BOLA3: variants seen among roughly 807,000 people sequenced by gnomAD.
The protein encoded by BOLA3 is bolA-like protein 3.
In BOLA3, 8 loss-of-function variants were observed where a neutral mutation model predicts 14.5. That is an observed-to-expected ratio of 0.55 (90% CI 0.32 to 0.99). The LOEUF (loss-of-function observed/expected upper bound fraction) is 0.99. Ranked by LOEUF, BOLA3 falls within the 50% of genes least tolerant of loss-of-function variation. BOLA3 has a pLI of 0.04. For missense variants in BOLA3, 115 were observed against 138.2 expected (o/e 0.83, Z 0.84); for synonymous variants, 42 against 45.7 (o/e 0.92, Z 0.33).
At chr2:74,145,743 G>A (rs1003750912) in intron 1 of BOLA3, 1 of 231,562 alleles carries the variant, frequency 4.3e-6, no homozygotes, top group East Asian at 1.1e-4. Flanking sequence ...CACTGCCCTG[G>A]ATGGTGGGGC....
At chr2:74,145,376 C>A in intron 1 of BOLA3, 73 bp from the exon 2 acceptor site, 1 of 919,664 alleles carries the variant, frequency 1.1e-6, no homozygotes, top group Non-Finnish European at 1.8e-6. Context: ...ACTGTGCAGG[C>A]CCGCCTGCCA....
chr2:74,142,094 A>G (rs535851273), intron 3 of BOLA3, among the ~76,000 whole-genome samples, 178 bp downstream of exon 3: 1 of 152,322 alleles, frequency 6.6e-6, no homozygotes, highest in East Asian at 1.9e-4. Context: ...TAAAATTCCT[A>G]TTTGCCACAA....
intron 3 of BOLA3, among the ~76,000 whole-genome samples, chr2:74,136,452 AT>A (rs1358022720): frequency 6.6e-6 from 1 of 151,970 alleles, no homozygotes; most frequent in Non-Finnish European, 1.5e-5. Context: ...ACATTTTGAG[AT>A]TTTTTTTGAA....
chr2:74,147,668 A>T (rs1692571314), intron 1 of BOLA3, 153 bp downstream of exon 1: 10 of 724,632 alleles, frequency 1.4e-5, no homozygotes, highest in South Asian at 9.7e-5. Flanking sequence ...AATGAATGAA[A>T]GAATGAATGA....
chr2:74,146,215 A>T (rs828885), intron 1 of BOLA3: 49,869 of 151,278 alleles, frequency 0.33, 9,484 homozygotes, highest in Middle Eastern at 0.46. Flanking sequence ...CTGGTCTCAA[A>T]CCCCTGACCT....
rs768772946 is a variant in BOLA3, at chr2:74,145,306, G to C, written c.55-3C>G. 1.9e-6 allele frequency: 3 copies of C among 1,541,086 alleles called. No individual in the cohort carries two copies. In the African/African-American group the frequency reaches 4.1e-5, roughly 21 times the overall value. On this transcript the variant is annotated splice_polypyrimidine_tract_variant and splice_region_variant and intron_variant, in intron 1 of 3. Coordinates refer to ENST00000327428, the MANE Select transcript of BOLA3 (RefSeq NM_212552.3). Reference sequence around the variant, plus strand: ...AACATCCGATGGTGAAGTGGAAGCTGCCACAGAACAGAGAGGAAGGTCAGG... The same window carrying C: ...AACATCCGATGGTGAAGTGGAAGCTCCCACAGAACAGAGAGGAAGGTCAGG...
In BOLA3 at chr2:74,135,475, A is replaced by C; in HGVS notation, c.*118T>G. On this transcript the variant is annotated 3_prime_UTR_variant, in exon 4 of 4. Coordinates refer to ENST00000327428, the MANE Select transcript of BOLA3 (RefSeq NM_212552.3). ...AGATTATACATCTTCTATAATTATA[A>C]TATGGAAATGTATATGAGCAAAATA... is the stretch of plus-strand genomic sequence containing the variant. 1 of 1,412,222 alleles carries C rather than the reference A, an allele frequency of 7.1e-7. No individual in the cohort carries two copies. The highest frequency in any genetic ancestry group is 1.4e-5 in the African/African-American group (1 of 70,426). The allele number at this position is 1,412,222 out of a possible 1,614,324, so 87.5% of individuals were successfully genotyped here. A position where few individuals can be genotyped will look rare whatever the true frequency, so the allele number is the denominator to read the frequency against.
At chr2:74,139,556 G>A (rs193270639) in intron 3 of BOLA3, among the ~76,000 whole-genome samples, 52 of 152,274 alleles carry the variant, frequency 3.4e-4, no homozygotes, top group South Asian at 1.0e-3. Context: ...TCCAGGTCCC[G>A]GCTCAGACCC....
intron 3 of BOLA3, among the ~76,000 whole-genome samples, chr2:74,137,549 T>C (rs1692357168): frequency 6.6e-6 from 1 of 151,878 alleles, no homozygotes; most frequent in African/African-American, 2.4e-5. Flanking sequence ...GGTTTATAGA[T>C]CCTTAGACAC....
chr2:74,147,791 GA>G (rs1483162283), intron 1 of BOLA3, 29 bp downstream of exon 1: 1 of 1,530,014 alleles, frequency 6.5e-7, no homozygotes, highest in Admixed American at 2.0e-5. Context: ...CCGTCCCGGG[GA>G]GAGCAGCCCC....
chr2:74,145,594 A>C, intron 1 of BOLA3: 1 of 446,682 alleles, frequency 2.2e-6, no homozygotes. Context: ...CTTCCATATA[A>C]TGTTGTGACA....
intron 3 of BOLA3, among the ~76,000 whole-genome samples, chr2:74,135,892 A>G (rs545086255): frequency 2.8e-4 from 43 of 151,678 alleles, no homozygotes; most frequent in African/African-American, 1.0e-3. Flanking sequence ...ATACCTGTCC[A>G]TCTCCCCAGT....
At chr2:74,137,913 G>C (rs1172266473) in intron 3 of BOLA3, among the ~76,000 whole-genome samples, 3 of 152,202 alleles carry the variant, frequency 2.0e-5, no homozygotes, top group African/African-American at 4.8e-5. Flanking sequence ...ATGCTCCCTA[G>C]AGACTGTGTC....
intron 2 of BOLA3, among the ~76,000 whole-genome samples, chr2:74,143,267 T>C (rs919256910): frequency 6.6e-6 from 1 of 152,212 alleles, no homozygotes; most frequent in Admixed American, 6.5e-5. Flanking sequence ...ACCATTCTCC[T>C]GCCTCAGCCT....
At chr2:74,136,116 A>AT (rs1264130161) in intron 3 of BOLA3, among the ~76,000 whole-genome samples, 4 of 151,948 alleles carry the variant, frequency 2.6e-5, no homozygotes, top group East Asian at 3.9e-4. Flanking sequence ...TGCCTGGCTA[A>AT]TTTTTTTATT....
chr2:74,136,466 T>C (rs1235405480), intron 3 of BOLA3, among the ~76,000 whole-genome samples: 1 of 152,234 alleles, frequency 6.6e-6, no homozygotes, highest in African/African-American at 2.4e-5. Flanking sequence ...TTTTTGAAAT[T>C]TTTTTTAAAG....
At chr2:74,145,962 T>C (rs1003454657) in intron 1 of BOLA3, 13 of 151,806 alleles carry the variant, frequency 8.6e-5, no homozygotes, top group African/African-American at 2.9e-4. Flanking sequence ...CCTTCCCCAA[T>C]GGCTACCATG....
intron 3 of BOLA3, among the ~76,000 whole-genome samples, chr2:74,142,066 C>T (rs1354861583): frequency 6.6e-6 from 1 of 152,234 alleles, no homozygotes; most frequent in East Asian, 1.9e-4. Context: ...TATTGGGAGG[C>T]CTGTCTTCAA....
rs74604372 is a variant in BOLA3, at chr2:74,147,527, T to C, written c.54+294A>G. ...CTGCTCGGTAAACCAATCCTTTTTT[T>C]TTCCTGTGCCCGCAGTATTATGACT... On this transcript the variant is annotated intron_variant, in intron 1 of 3. Transcript: ENST00000327428. 886 of 469,774 alleles carry C rather than the reference T, an allele frequency of 1.9e-3. 10 individuals are homozygous for C. Among genetic ancestry groups the C allele is most frequent in the African/African-American group, 0.017 (823 of 47,776 alleles). The allele number at this position is 469,774 out of a possible 1,614,324, so 29.1% of individuals were successfully genotyped here.
Sources: gnomAD v4.1 joint callset for allele counts (sites outside exome capture counted in the v4.1 genomes callset) on GRCh38, gnomAD v4.1.1 for gene constraint, MANE v1.5 for transcripts, NCBI Gene and HGNC (gene_info 2026-07-23, HGNC 2026-07-21) for gene names.